Variants in GLS2 observed in about 807,000 individuals in gnomAD.
GLS2 encodes glutaminase liver isoform, mitochondrial.
GLS2 carries 52 observed loss-of-function variants against 79.0 expected under a neutral mutation model. The observed-to-expected ratio is 0.66, with a 90% CI of 0.53 to 0.83. The LOEUF is 0.83. GLS2 is among the 40% of genes least tolerant of loss of function. GLS2 has a pLI of 0.00. For synonymous variants in GLS2, 238 were observed against 280.8 expected (o/e 0.85, Z 1.52); for missense variants, 561 against 764.8 (o/e 0.73, Z 3.14).
chr12:56,479,530 G>A (rs1870116148), intron 3 of GLS2: 1 of 426,524 alleles, frequency 2.3e-6, no homozygotes, highest in Admixed American at 4.0e-5. Context: ...TTATCTAGAA[G>A]ATACCCACTA....
At position 56,475,994 on chromosome 12, in the gene GLS2, A is replaced by C. The variant is rs1410837696; in HGVS notation, c.838-17T>G. ...ACAGTCCATCTGCAGAGAAAGAGAGAGATGTCAGCATTCTAAGTGTAGGAG... is the reference window on the plus strand; with the variant it reads ...ACAGTCCATCTGCAGAGAAAGAGAGCGATGTCAGCATTCTAAGTGTAGGAG... On this transcript the variant is annotated splice_polypyrimidine_tract_variant and intron_variant, in intron 7 of 17. Coordinates refer to ENST00000311966, the MANE Select transcript of GLS2 (RefSeq NM_013267.4). The C allele has an allele frequency of 6.2e-6, 10 of 1,611,726 alleles. No homozygotes were observed. Among genetic ancestry groups the C allele is most frequent in the Non-Finnish European group, 8.5e-6 (10 of 1,179,604 alleles).
At chr12:56,478,565 G>A in intron 4 of GLS2, 1 of 358,444 alleles carries the variant, frequency 2.8e-6, no homozygotes, top group South Asian at 3.3e-5. Flanking sequence ...TCCCTTTGAA[G>A]GCTCTATTCG....
chr12:56,475,394 G>A (rs1301035308), intron 9 of GLS2: 3 of 753,056 alleles, frequency 4.0e-6, no homozygotes, highest in East Asian at 5.4e-5. Flanking sequence ...AAGGGCTTAG[G>A]CACAAACCAT....
chr12:56,471,693 G>C (rs1869278609), intron 17 of GLS2, 50 bp from the exon 18 acceptor site: 8 of 1,612,218 alleles, frequency 5.0e-6, no homozygotes, highest in Non-Finnish European at 5.9e-6. Flanking sequence ...GAGAGTGGTG[G>C]TTGTATATAT....
intron 1 of GLS2, among the ~76,000 whole-genome samples, chr12:56,482,373 T>C (rs1870366569): frequency 6.6e-6 from 1 of 152,230 alleles, no homozygotes; most frequent in African/African-American, 2.4e-5. Context: ...CCTTTGCTTA[T>C]GCTGTAACTT....
Position 56,472,685 on chromosome 12 carries a change from A to G in GLS2, c.1511+5T>C, listed in dbSNP as rs761742311. 10 of 1,613,402 alleles carry G rather than the reference A, an allele frequency of 6.2e-6. No homozygotes were observed. The highest frequency in any genetic ancestry group is 8.5e-6 in the Non-Finnish European group (10 of 1,179,472). ...ATTGTGTATATTTGGTCACAGTAGCATTACCTTCGAAGAGCTGAGACATCG... is the reference window on the plus strand; with the variant it reads ...ATTGTGTATATTTGGTCACAGTAGCGTTACCTTCGAAGAGCTGAGACATCG... On this transcript the variant is annotated splice_donor_5th_base_variant and intron_variant, in intron 15 of 17. Transcript: ENST00000311966.
chr12:56,473,694 T>C, intron 12 of GLS2, 100 bp from the exon 13 acceptor site: 3 of 1,429,918 alleles, frequency 2.1e-6, no homozygotes, highest in Non-Finnish European at 2.8e-6. Flanking sequence ...AATGACTGCA[T>C]GACCACAATC....
chr12:56,475,586 C>G lies in GLS2; in HGVS notation c.929+38G>C, dbSNP rs919455184. 4 of 1,600,328 alleles carry G rather than the reference C, an allele frequency of 2.5e-6. No homozygotes were observed. The African/African-American group carries it at 5.4e-5, about 21-fold the overall frequency. ...CCATCCTAAGTACACACACATACAC[C>G]ACAATGCTTTCAGTCAGTCCTCTGA... On this transcript the variant is annotated intron_variant, in intron 9 of 17. Transcript: ENST00000311966.
chr12:56,473,639 A>T, intron 12 of GLS2, 45 bp from the exon 13 acceptor site: 1 of 1,571,410 alleles, frequency 6.4e-7, no homozygotes, highest in East Asian at 2.3e-5. Context: ...GTGTGCCCCA[A>T]ATCAGAAAAT....
rs1207247799 is a variant in GLS2 at position 56,471,065 on chromosome 12, A to G, written c.*422T>C. The G allele has an allele frequency of 1.6e-5, 5 of 305,408 alleles. No individual in the cohort carries two copies. Among genetic ancestry groups the G allele is most frequent in the East Asian group, 1.1e-4 (2 of 18,760 alleles). 18.9% of individuals were successfully genotyped at this position (305,408 alleles called of 1,614,324 possible). On this transcript the variant is annotated 3_prime_UTR_variant, in exon 18 of 18. Transcript: ENST00000311966. ...CAAGGGGAGTAGATTTCTCCAGACT[A>G]CTAAAGCCATGTATATAGCCATTCC...
intron 2 of GLS2, 54 bp from the exon 3 acceptor site, chr12:56,479,955 C>T (rs1870154796): frequency 2.5e-6 from 4 of 1,578,046 alleles, no homozygotes; most frequent in Non-Finnish European, 3.4e-6. Flanking sequence ...GTGATGTACT[C>T]CTCATAATCT....
rs1469783568 is a variant in GLS2 at position 56,481,656 on chromosome 12, T to C, written c.183-1269A>G. ...CTGTAATCCCAGCACTTTGGGAGGC[T>C]GAGGCAGGCGGATCACCTGAGGTTA... On this transcript the variant is annotated intron_variant, in intron 1 of 17. Transcript: ENST00000311966. Among the ~76,000 whole-genome samples, 1,252 of 143,182 alleles carry C rather than the reference T, an allele frequency of 8.7e-3. 19 individuals are homozygous for C. Among genetic ancestry groups the C allele is most frequent in the African/African-American group, 0.03 (1,159 of 38,004 alleles). 93.9% of individuals were successfully genotyped at this position (143,182 alleles called of 152,430 possible).
chr12:56,474,692 G>A lies in GLS2; in HGVS notation c.1076C>T (p.Ser359Leu), dbSNP rs963826487. 6.2e-7 allele frequency: 1 copy of A among 1,611,976 alleles called. No homozygotes were observed. Among genetic ancestry groups the A allele is most frequent in the African/African-American group, 1.3e-5 (1 of 74,918 alleles). Residue 359 changes from serine to leucine, a missense_variant, in exon 12 of 18, where the codon TCA (serine) becomes TTA (leucine). Physicochemically the swap from Ser to Leu is moderately radical, Grantham distance 145. Coordinates refer to ENST00000311966, the MANE Select transcript of GLS2 (RefSeq NM_013267.4). The stretch of plus-strand genomic sequence containing the variant: ...GAGGGTGGCTGCCATGACACTGCCT[G>A]ATTCACAAGTGACCTCCACAGAACA... ...QLCSVEVTCE[S>L]GSVMAATLAN... is the part of the protein sequence containing the mutation.
chr12:56,472,046 A>G (rs1869325284), intron 16 of GLS2, 73 bp downstream of exon 16: 1 of 1,524,068 alleles, frequency 6.6e-7, no homozygotes, highest in African/African-American at 1.4e-5. Context: ...GGCACATATA[A>G]TGAAGGTACT....
rs1028818684 is a variant in GLS2 at position 56,481,912 on chromosome 12, T to C, written c.183-1525A>G. ...ATCTCAAAACAAACAAACAAAAACT[T>C]GGTAGGACATCAAAAGCTCTTTAAA... On this transcript the variant is annotated intron_variant, in intron 1 of 17. Coordinates refer to ENST00000311966, the MANE Select transcript of GLS2 (RefSeq NM_013267.4). 2.8e-4 allele frequency among the ~76,000 whole-genome samples: 41 copies of C among 145,392 alleles called. 2 individuals carry two copies. The highest frequency in any genetic ancestry group is 8.9e-4 in the African/African-American group (34 of 38,342).
intron 15 of GLS2, 120 bp downstream of exon 15, chr12:56,472,570 G>T: frequency 1.2e-6 from 1 of 853,406 alleles, no homozygotes; most frequent in South Asian, 1.6e-5. Context: ...TCATTTAAAT[G>T]CAATCTATAT....
chr12:56,479,174 T>A lies in GLS2; in HGVS notation c.412A>T (p.Ser138Cys), dbSNP rs1380244007. 1 of 1,613,586 alleles carries A rather than the reference T, an allele frequency of 6.2e-7. No homozygotes were observed. Residue 138 changes from serine (S) to cysteine (C), a missense_variant, in exon 4 of 18, where the codon AGC becomes TGC. Around this residue, in one of 4 missense-constraint regions of GLS2, gnomAD observed 43 missense variants for 92.8 expected, o/e 0.46. Coordinates refer to ENST00000311966, the MANE Select transcript of GLS2 (RefSeq NM_013267.4). The stretch of plus-strand genomic sequence containing the variant: ...TGGGTCAGGAGCACAATGTTGCTGC[T>A]CACACACCTGGATCCCAGACACGAT... ...LDRDLFRKCV[S>C]SNIVLLTQAF...
chr12:56,479,832 C>G lies in GLS2; in HGVS notation c.352G>C (p.Val118Leu). The G allele has an allele frequency of 6.2e-7, 1 of 1,612,298 alleles. No homozygotes were observed. ...CCACCACTACTGGACTCTTGGACCA[C>G]GCGGTGCATCTCGCTCATGCAGTCT... ...LRDCMSEMHR[V>L]VQESSSGGLL... The change falls in exon 3 of 18, where the codon GTG becomes CTG. Residue 118 changes from valine (V) to leucine (L), a missense_variant. Physicochemically the swap from Val to Leu is conservative, Grantham distance 32. Transcript: ENST00000311966.
chr12:56,488,047 AC>A lies in GLS2; in HGVS notation c.71del (p.Gly24ValfsTer73). The part of the protein sequence containing the change: ...AGSHCGRGGW[G>X]HPSRSPLLGG... ...CAAGGAGGGGGCTCCGGCTCGGGTG[AC>A]CCCAGCCTCCTCGCCCGCAGTGACT... On this transcript the variant is annotated frameshift_variant, in exon 1 of 18. Coordinates refer to ENST00000311966, the MANE Select transcript of GLS2 (RefSeq NM_013267.4). LOFTEE classifies it high-confidence loss of function. 1 of 1,589,100 alleles carries A rather than the reference AC, an allele frequency of 6.3e-7. No individual in the cohort carries two copies.
Sources: gnomAD v4.1 joint callset for allele counts (sites outside exome capture counted in the v4.1 genomes callset) on GRCh38, gnomAD v4.1.1 for gene constraint, gnomAD v4.1.1 regional missense constraint, MANE v1.5 for transcripts, NCBI Gene and HGNC (gene_info 2026-07-23, HGNC 2026-07-21) for gene names.